The following LAMA4 variants were observed in gnomAD, a reference collection of about 807,000 sequenced individuals.
LAMA4 encodes laminin subunit alpha-4.
A neutral mutation model predicts 207.1 loss-of-function variants in LAMA4; 127 were observed. The observed-to-expected ratio is 0.61, with a 90% CI of 0.53 to 0.71. LAMA4 has a LOEUF of 0.71. Among genes scored for constraint, LAMA4 ranks in the 30% least tolerant of loss-of-function variants. LAMA4 has a pLI of 0.00. For synonymous variants in LAMA4, 761 were observed against 816.0 expected (o/e 0.93, Z 1.15); for missense variants, 2,093 against 2,246.5 (o/e 0.93, Z 1.38).
At chr6:112,177,692 T>C (rs2114893110) in intron 10 of LAMA4, among the ~76,000 whole-genome samples, 1 of 152,330 alleles carries the variant, frequency 6.6e-6, no homozygotes, top group African/African-American at 2.4e-5. Flanking sequence ...GATTGGCCTT[T>C]GGGAAAGCCC....
At chr6:112,184,173 G>A (rs2114925504) in intron 9 of LAMA4, among the ~76,000 whole-genome samples, 1 of 152,078 alleles carries the variant, frequency 6.6e-6, no homozygotes, top group Non-Finnish European at 1.5e-5. Context: ...TCTCTTAAAG[G>A]GTTTGGGGTC....
chr6:112,214,026 C>T (rs367709337), intron 3 of LAMA4: 48 of 762,816 alleles, frequency 6.3e-5, no homozygotes, highest in East Asian at 4.2e-4. Flanking sequence ...TGAGAATGAA[C>T]GATAGGGCAG....
intron 6 of LAMA4, among the ~76,000 whole-genome samples, chr6:112,190,931 CTTTCTTTCTTTCT>C (rs1783035231): frequency 8.8e-5 from 7 of 79,346 alleles, no homozygotes; most frequent in South Asian, 1.1e-3. Flanking sequence ...TTCTTTCTTT[CTTTCTTTCTTTCT>C]TTCCTTTCTT....
At chr6:112,213,696 G>C (rs78644192) in intron 3 of LAMA4, 3,083 of 239,588 alleles carry the variant, frequency 0.013, 108 homozygotes, top group African/African-American at 0.064. Flanking sequence ...GAATGGCTTA[G>C]GTCAGCTTTA....
At chr6:112,178,548 A>G (rs1210824222) in intron 9 of LAMA4, 4 of 338,900 alleles carry the variant, frequency 1.2e-5, no homozygotes, top group African/African-American at 6.4e-5. Flanking sequence ...ACACTGCACC[A>G]TATTTGTAGT....
Position 112,119,260 on chromosome 6 carries a change from G to T in LAMA4, c.4717C>A (p.Arg1573=). 1 of 1,613,932 alleles carries T rather than the reference G, an allele frequency of 6.2e-7. No individual in the cohort carries two copies. The highest frequency in any genetic ancestry group is 8.5e-7 in the Non-Finnish European group (1 of 1,179,896). The change falls in exon 34 of 39, where the codon CGA becomes AGA. Residue 1573 remains arginine (R), a synonymous_variant. Coordinates refer to ENST00000230538, the MANE Select transcript of LAMA4 (RefSeq NM_001105206.3). ...SSGRLVIDGL[R]VLEESLPPTE... is the part of the protein sequence containing the mutation. ...GGAGGAAGACTTTCTTCTAGGACTC[G>T]GAGACCATCAATTACCAGTCGGCCA...
intron 29 of LAMA4, among the ~76,000 whole-genome samples, chr6:112,130,450 A>C (rs1052398882): frequency 1.3e-5 from 2 of 152,012 alleles, no homozygotes; most frequent in South Asian, 4.2e-4. Context: ...GCCCAGAAAA[A>C]GCCTACTCAT....
intron 24 of LAMA4, among the ~76,000 whole-genome samples, 180 bp from the exon 25 acceptor site, chr6:112,136,434 G>A (rs533353547): frequency 6.6e-6 from 1 of 152,290 alleles, no homozygotes; most frequent in Admixed American, 6.5e-5. Flanking sequence ...GCTCACACCT[G>A]TAATCCCAGC....
Position 112,122,021 on chromosome 6 carries a change from C to T in LAMA4, c.4468G>A (p.Gly1490Ser). ...QEFEHLKGDF[G>S]AKSQFSIRLR... is the part of the protein sequence containing the mutation. ...TATAGTGTGTTACTTTACTTGGCAC[C>T]AAAATCTCCTTTTAAGTGTTCAAAC... Residue 1490 changes from glycine to serine, a missense_variant, in exon 32 of 39, where the codon GGT becomes AGT. Transcript: ENST00000230538. The T allele has an allele frequency of 6.2e-7, 1 of 1,613,800 alleles. No homozygotes were observed. The highest frequency in any genetic ancestry group is 8.5e-7 in the Non-Finnish European group (1 of 1,179,818).
chr6:112,159,002 C>A, intron 13 of LAMA4, 122 bp from the exon 14 acceptor site: 1 of 703,580 alleles, frequency 1.4e-6, no homozygotes, highest in Non-Finnish European at 2.5e-6. Flanking sequence ...CAGTGCAGGA[C>A]CACATAAGTC....
At chr6:112,229,934 T>A (rs1785448944) in intron 2 of LAMA4, among the ~76,000 whole-genome samples, 1 of 152,248 alleles carries the variant, frequency 6.6e-6, no homozygotes, top group African/African-American at 2.4e-5. Flanking sequence ...GAATTAAATG[T>A]TAAATGAAAG....
At chr6:112,153,476 A>G (rs924522429) in intron 16 of LAMA4, among the ~76,000 whole-genome samples, 8 of 152,160 alleles carry the variant, frequency 5.3e-5, no homozygotes, top group Admixed American at 1.3e-4. Context: ...GATTTATCAG[A>G]CATAAAATAT....
At chr6:112,231,709 T>C (rs905399721) in intron 2 of LAMA4, among the ~76,000 whole-genome samples, 1 of 152,218 alleles carries the variant, frequency 6.6e-6, no homozygotes, top group Non-Finnish European at 1.5e-5. Flanking sequence ...CAGAGGCAGA[T>C]GTCTGCTCAG....
At position 112,109,087 on chromosome 6, in the gene LAMA4, G is replaced by C. The variant is rs1777558617; in HGVS notation, c.*350C>G. Reference sequence around the variant, plus strand: ...AAGTTATCTTCCCTGGAAGAAAGGTGAATCTGAGAATCTAGCCGCACTTCA... The same window carrying C: ...AAGTTATCTTCCCTGGAAGAAAGGTCAATCTGAGAATCTAGCCGCACTTCA... On this transcript the variant is annotated 3_prime_UTR_variant, in exon 39 of 39. Transcript: ENST00000230538. 3.5e-6 allele frequency: 1 copy of C among 283,138 alleles called. No homozygotes were observed. Among genetic ancestry groups the C allele is most frequent in the African/African-American group, 2.2e-5 (1 of 45,720 alleles). 17.5% of individuals were successfully genotyped at this position (283,138 alleles called of 1,614,324 possible). A position where few individuals can be genotyped will look rare whatever the true frequency, so the allele number is the denominator to read the frequency against.
In LAMA4 at chr6:112,155,664, AGCC is replaced by A; in HGVS notation, c.1857_1859del (p.Lys619_Ala620delinsAsn). The A allele has an allele frequency of 6.2e-7, 1 of 1,614,128 alleles. No individual in the cohort carries two copies. The highest frequency in any genetic ancestry group is 8.5e-7 in the Non-Finnish European group (1 of 1,179,966). On this transcript the variant is annotated inframe_deletion, in exon 15 of 39. Transcript: ENST00000230538. ...TTTCATAGACATTTGATGCATCCAA[AGCC>A]TTCTGTACCAGCCCGTTCATATCTG...
rs562723374 is a variant in LAMA4, at chr6:112,249,737, A to G, written c.195+4219T>C. Among the ~76,000 whole-genome samples, 3 of 152,316 alleles carry G rather than the reference A, an allele frequency of 2.0e-5. No homozygotes were observed. The East Asian group carries it at 5.8e-4, about 29-fold the overall frequency. Reference sequence around the variant, plus strand: ...TTTACATCAGTATCGGCATGTGGTAAGTACTCAACGAGTATCAGCTATGAG... The same window carrying G: ...TTTACATCAGTATCGGCATGTGGTAGGTACTCAACGAGTATCAGCTATGAG... On this transcript the variant is annotated intron_variant, in intron 2 of 38. Coordinates refer to ENST00000230538, the MANE Select transcript of LAMA4 (RefSeq NM_001105206.3).
At chr6:112,183,262 T>G (rs1294104928) in intron 9 of LAMA4, among the ~76,000 whole-genome samples, 1 of 152,232 alleles carries the variant, frequency 6.6e-6, no homozygotes, top group Admixed American at 6.5e-5. Flanking sequence ...CATGGACTTT[T>G]CTAGAGCAAG....
intron 18 of LAMA4, among the ~76,000 whole-genome samples, chr6:112,145,928 A>C (rs1436895106): frequency 6.6e-6 from 1 of 152,082 alleles, no homozygotes; most frequent in African/African-American, 2.4e-5. Flanking sequence ...AAAAGGTAGG[A>C]AGATTGTTTT....
At position 112,150,498 on chromosome 6, in the gene LAMA4, C is replaced by G; in HGVS notation, c.2173+13G>C. 4 of 1,524,262 alleles carry G rather than the reference C, an allele frequency of 2.6e-6. No homozygotes were observed. The highest frequency in any genetic ancestry group is 1.4e-5 in the African/African-American group (1 of 73,332). The allele number at this position is 1,524,262 out of a possible 1,614,324, so 94.4% of individuals were successfully genotyped here. A position where few individuals can be genotyped will look rare whatever the true frequency, so the allele number is the denominator to read the frequency against. ...AATCAACAGATGAGACTTCAATTCT[C>G]TCTGATGCTTACCTCTCTCTGCTGC... On this transcript the variant is annotated intron_variant, in intron 17 of 38. Transcript: ENST00000230538.
Sources: allele counts gnomAD v4.1 joint callset (sites outside exome capture counted in the v4.1 genomes callset), GRCh38; gene constraint gnomAD v4.1.1; transcripts MANE v1.5; gene names NCBI Gene and HGNC (gene_info 2026-07-23, HGNC 2026-07-21).